Variants in LONRF1 observed in about 807,000 individuals in gnomAD.
The protein encoded by LONRF1 is LON peptidase N-terminal domain and ring finger 1.
LONRF1 carries 37 observed loss-of-function variants against 85.8 expected under a neutral mutation model. The observed-to-expected ratio is 0.43, with a 90% confidence interval of 0.33 to 0.57. LONRF1 has a LOEUF of 0.57. LONRF1 is among the 20% of genes least tolerant of loss of function. The pLI, the probability that LONRF1 is intolerant of heterozygous loss-of-function variation, is 0.04. For missense variants in LONRF1, 1,036 were observed against 978.0 expected (o/e 1.06, Z -0.79); for synonymous variants, 517 against 390.1 (o/e 1.33, Z -3.83).
chr8:12,747,884 T>G (rs989347671), intron 1 of LONRF1, among the ~76,000 whole-genome samples: 1 of 152,168 alleles, frequency 6.6e-6, no homozygotes, highest in Non-Finnish European at 1.5e-5. Context: ...CTAGTGCAGG[T>G]CAGTCTAAAA....
At position 12,755,515 on chromosome 8, in the gene LONRF1, T is replaced by C; in HGVS notation, c.-95A>G. 1.8e-6 allele frequency: 1 copy of C among 559,470 alleles called. No homozygotes were observed. The highest frequency in any genetic ancestry group is 2.3e-6 in the Non-Finnish European group (1 of 442,682). The allele number at this position is 559,470 out of a possible 1,614,324, so 34.7% of individuals were successfully genotyped here. ...CACGCGGCCCGCGAGCAGGGGGGCG[T>C]GGCGCGCGGACACGGCGGGGCTGCG... On this transcript the variant is annotated 5_prime_UTR_variant, in exon 1 of 12. Coordinates refer to ENST00000398246, the MANE Select transcript of LONRF1 (RefSeq NM_152271.5).
intron 1 of LONRF1, 66 bp from the exon 2 acceptor site, chr8:12,743,348 G>C (rs1799015861): frequency 1.0e-6 from 1 of 961,870 alleles, no homozygotes; most frequent in Non-Finnish European, 1.6e-6. Context: ...TACAAAATAT[G>C]ATCATACCAG....
chr8:12,744,402 TA>T (rs745413247), intron 1 of LONRF1, among the ~76,000 whole-genome samples: 1 of 152,058 alleles, frequency 6.6e-6, no homozygotes, highest in Non-Finnish European at 1.5e-5. Context: ...TTTTACTTGT[TA>T]AAAAAAGACA....
At chr8:12,728,039 A>G (rs559573972) in intron 10 of LONRF1, among the ~76,000 whole-genome samples, 3 of 152,314 alleles carry the variant, frequency 2.0e-5, no homozygotes, top group Admixed American at 6.5e-5. Flanking sequence ...TGAAAATTCT[A>G]TGAGTTAATG....
intron 1 of LONRF1, among the ~76,000 whole-genome samples, chr8:12,752,063 AGTTTG>A (rs1370821106): frequency 1.2e-4 from 18 of 152,210 alleles, no homozygotes; most frequent in African/African-American, 4.3e-4. Context: ...GGCAGAGATA[AGTTTG>A]GATGTGTGTG....
In LONRF1 at chr8:12,725,795, TTAAA is replaced by T; in HGVS notation, c.2091_2094del (p.Asn697LysfsTer42). 1 of 1,613,942 alleles carries T rather than the reference TTAAA, an allele frequency of 6.2e-7. No individual in the cohort carries two copies. The highest frequency in any genetic ancestry group is 8.5e-7 in the Non-Finnish European group (1 of 1,179,828). On this transcript the variant is annotated frameshift_variant, in exon 11 of 12. Coordinates refer to ENST00000398246, the MANE Select transcript of LONRF1 (RefSeq NM_152271.5). LOFTEE classifies it high-confidence loss of function. ...AGAATTTGGCTTCGAAATCTGTCTC[TTAAA>T]TTCTGAAACCAGCTGCAGGCTTGAG...
intron 1 of LONRF1, among the ~76,000 whole-genome samples, chr8:12,745,119 T>G (rs1277274897): frequency 1.3e-5 from 2 of 151,946 alleles, no homozygotes; most frequent in Non-Finnish European, 2.9e-5. Context: ...CCTTCCCCTC[T>G]CCACACAGAA....
intron 1 of LONRF1, among the ~76,000 whole-genome samples, chr8:12,744,956 G>T (rs1474696727): frequency 1.3e-5 from 2 of 151,984 alleles, no homozygotes; most frequent in African/African-American, 4.8e-5. Context: ...CAGAACTGCT[G>T]AATATTTCCC....
chr8:12,750,442 G>A (rs904480233), intron 1 of LONRF1, among the ~76,000 whole-genome samples: 1 of 152,150 alleles, frequency 6.6e-6, no homozygotes, highest in Non-Finnish European at 1.5e-5. Flanking sequence ...ATTAGGTGTA[G>A]TAAGACATTA....
At chr8:12,754,628 G>C (rs1014060849) in intron 1 of LONRF1, 72 bp downstream of exon 1, 8 of 1,249,752 alleles carry the variant, frequency 6.4e-6, no homozygotes, top group East Asian at 3.4e-5. Context: ...GCGCAGACAA[G>C]CTCCGGGTCC....
At chr8:12,724,243 G>A (rs1381700900) in intron 11 of LONRF1, among the ~76,000 whole-genome samples, 1 of 152,180 alleles carries the variant, frequency 6.6e-6, no homozygotes, top group Non-Finnish European at 1.5e-5. Flanking sequence ...GGGTGTGGAA[G>A]CTGGAAGAGA....
intron 3 of LONRF1, among the ~76,000 whole-genome samples, chr8:12,739,085 A>G (rs1798830640): frequency 6.7e-6 from 1 of 149,996 alleles, no homozygotes; most frequent in South Asian, 2.1e-4. Context: ...TAAAAAATAA[A>G]TTAAACACAC....
Position 12,747,714 on chromosome 8 carries a change from G to A in LONRF1, c.722-4432C>T, listed in dbSNP as rs1014088248. Among the ~76,000 whole-genome samples, 10 of 151,500 alleles carry A rather than the reference G, an allele frequency of 6.6e-5. 1 individual carries two copies. Among genetic ancestry groups the A allele is most frequent in the Admixed American group, 5.9e-4 (9 of 15,244 alleles). ...TTTCTTTACAGGTTAAAACAGAGAG[G>A]GCTGTCTTATTTCACTAACTCAGGT... On this transcript the variant is annotated intron_variant, in intron 1 of 11. Transcript: ENST00000398246.
At chr8:12,724,800 C>T (rs1806094607) in intron 11 of LONRF1, among the ~76,000 whole-genome samples, 1 of 152,170 alleles carries the variant, frequency 6.6e-6, no homozygotes, top group Non-Finnish European at 1.5e-5. Flanking sequence ...TAGATGGCAA[C>T]TGATAATATG....
At position 12,722,784 on chromosome 8, in the gene LONRF1, G is replaced by GCA. The variant is rs3839870; in HGVS notation, c.*310_*311dup. The GCA allele has an allele frequency of 0.088, 15,422 of 174,398 alleles. 767 individuals are homozygous for GCA. Among genetic ancestry groups the GCA allele is most frequent in the Non-Finnish European group, 0.13 (10,360 of 82,556 alleles). The allele number at this position is 174,398 out of a possible 1,614,324, so 10.8% of individuals were successfully genotyped here. ...CCAACCCCCACAAGCACACACGCACGCACACACACACACACACTCTCTCAC... is the reference window on the plus strand; with the variant it reads ...CCAACCCCCACAAGCACACACGCACGCACACACACACACACACACTCTCTCAC... On this transcript the variant is annotated 3_prime_UTR_variant, in exon 12 of 12. Coordinates refer to ENST00000398246, the MANE Select transcript of LONRF1 (RefSeq NM_152271.5).
At chr8:12,739,314 C>T (rs1345922818) in intron 3 of LONRF1, among the ~76,000 whole-genome samples, 2 of 128,284 alleles carry the variant, frequency 1.6e-5, no homozygotes, top group South Asian at 5.0e-4. Flanking sequence ...TAAAAAATGA[C>T]TAGATGTATC....
At chr8:12,725,447 C>T (rs1429407615) in intron 11 of LONRF1, among the ~76,000 whole-genome samples, 1 of 152,062 alleles carries the variant, frequency 6.6e-6, no homozygotes, top group Admixed American at 6.5e-5. Flanking sequence ...AATTCCTTAC[C>T]CACTCCTAAA....
intron 7 of LONRF1, among the ~76,000 whole-genome samples, chr8:12,734,363 G>A (rs1183589669): frequency 1.3e-5 from 2 of 152,180 alleles, no homozygotes; most frequent in Non-Finnish European, 2.9e-5. Flanking sequence ...AATACTGTAT[G>A]TATATTCATA....
Position 12,755,125 on chromosome 8 carries a change from A to T in LONRF1, c.296T>A (p.Leu99His). Residue 99 changes from leucine (L) to histidine (H), a missense_variant, in exon 1 of 12, where the codon CTC (leucine) becomes CAC (histidine). Transcript: ENST00000398246. ...LVDCLVFNYRLRHGLGWSAAP... is the reference protein window; with the variant it reads ...LVDCLVFNYRHRHGLGWSAAP... ...CGCGCTCCAGCCCAGCCCGTGGCGG[A>T]GCCGGTAGTTGAACACCAGGCAGTC... 4 of 1,456,722 alleles carry T rather than the reference A, an allele frequency of 2.7e-6. No homozygotes were observed. The highest frequency in any genetic ancestry group is 3.6e-6 in the Non-Finnish European group (4 of 1,108,818). 90.2% of individuals were successfully genotyped at this position (1,456,722 alleles called of 1,614,324 possible). A position where few individuals can be genotyped will look rare whatever the true frequency, so the allele number is the denominator to read the frequency against.
Sources: gnomAD v4.1 joint callset for allele counts (sites outside exome capture counted in the v4.1 genomes callset) on GRCh38, gnomAD v4.1.1 for gene constraint, MANE v1.5 for transcripts, NCBI Gene and HGNC (gene_info 2026-07-23, HGNC 2026-07-21) for gene names.